The following PDE7B variants were observed in gnomAD, a reference collection of about 807,000 sequenced individuals.
PDE7B encodes the protein 3',5'-cyclic-AMP phosphodiesterase 7B.
Under a neutral mutation model 56.2 loss-of-function variants are expected in PDE7B, and 29 were observed. The observed-to-expected ratio is 0.52, with a 90% CI of 0.38 to 0.70. The LOEUF (loss-of-function observed/expected upper bound fraction) is 0.70, where lower values mean the gene tolerates loss of function less well. Among genes scored for constraint, PDE7B ranks in the 30% least tolerant of loss-of-function variants. The probability of loss-of-function intolerance (pLI) is 0.00; values close to 1 mark genes in which losing one functional copy is unlikely to be tolerated. For missense variants in PDE7B, 490 were observed against 565.0 expected (o/e 0.87, Z 1.35); for synonymous variants, 197 against 196.9 (o/e 1.00, Z 0.00).
chr6:136,030,057 C>T (rs1487480380), intron 2 of PDE7B, among the ~76,000 whole-genome samples: 1 of 152,202 alleles, frequency 6.6e-6, no homozygotes, highest in Non-Finnish European at 1.5e-5. Flanking sequence ...TATCTTCCAA[C>T]TTTCTCATTA....
chr6:136,054,013 C>A (rs1562481155), intron 2 of PDE7B, among the ~76,000 whole-genome samples: 1 of 152,072 alleles, frequency 6.6e-6, no homozygotes, highest in East Asian at 1.9e-4. Flanking sequence ...GTTGCCTGTT[C>A]ACTCTGATGG....
At chr6:135,911,602 C>A (rs1227237077) in intron 1 of PDE7B, among the ~76,000 whole-genome samples, 1 of 152,166 alleles carries the variant, frequency 6.6e-6, no homozygotes, top group East Asian at 1.9e-4. Flanking sequence ...TATGATTTTT[C>A]ACCATGCTAT....
intron 3 of PDE7B, among the ~76,000 whole-genome samples, chr6:136,129,600 A>G (rs1435829204): frequency 6.6e-6 from 1 of 152,230 alleles, no homozygotes; most frequent in African/African-American, 2.4e-5. Flanking sequence ...CAGAAGCTGT[A>G]ACTTCCTCAT....
intron 2 of PDE7B, among the ~76,000 whole-genome samples, chr6:136,024,072 T>TA (rs953101289): frequency 1.7e-4 from 25 of 151,488 alleles, no homozygotes; most frequent in East Asian, 9.7e-4. Flanking sequence ...GGATGACATT[T>TA]AAAAAAAAAC....
chr6:135,861,905 T>G (rs1341776836), intron 1 of PDE7B, among the ~76,000 whole-genome samples: 1 of 151,880 alleles, frequency 6.6e-6, no homozygotes, highest in Non-Finnish European at 1.5e-5. Context: ...CTCTTCAATT[T>G]CTATTTTTAA....
At chr6:136,097,621 C>T (rs1042600673) in intron 2 of PDE7B, among the ~76,000 whole-genome samples, 5 of 152,154 alleles carry the variant, frequency 3.3e-5, no homozygotes, top group African/African-American at 1.2e-4. Flanking sequence ...AACACATTAT[C>T]CTTCTATTAA....
chr6:136,147,086 G>A (rs943670084), intron 3 of PDE7B, among the ~76,000 whole-genome samples: 1 of 151,910 alleles, frequency 6.6e-6, no homozygotes, highest in African/African-American at 2.4e-5. Flanking sequence ...AGGTTGAAGT[G>A]AGCCAAGATT....
At chr6:136,057,812 C>T (rs1205161881) in intron 2 of PDE7B, among the ~76,000 whole-genome samples, 5 of 152,156 alleles carry the variant, frequency 3.3e-5, no homozygotes, top group Non-Finnish European at 7.4e-5. Flanking sequence ...TCTCAGCTCA[C>T]GGCGACCTCC....
chr6:135,993,661 A>G (rs1775512066), intron 2 of PDE7B, among the ~76,000 whole-genome samples: 1 of 152,216 alleles, frequency 6.6e-6, no homozygotes, highest in African/African-American at 2.4e-5. Flanking sequence ...CTACTCAGGA[A>G]TTCCTGTGGG....
At chr6:135,963,922 G>A (rs1445158743) in intron 2 of PDE7B, among the ~76,000 whole-genome samples, 1 of 152,118 alleles carries the variant, frequency 6.6e-6, no homozygotes, top group Non-Finnish European at 1.5e-5. Context: ...GGTCCAGTGA[G>A]CTCTAAAGAG....
chr6:136,157,836 A>C (rs1054056229), intron 8 of PDE7B, among the ~76,000 whole-genome samples: 2 of 152,236 alleles, frequency 1.3e-5, no homozygotes, highest in Non-Finnish European at 2.9e-5. Context: ...TTTTGGGATT[A>C]AATTCCACAA....
At chr6:135,945,769 G>A (rs1454136552) in intron 1 of PDE7B, among the ~76,000 whole-genome samples, 1 of 152,126 alleles carries the variant, frequency 6.6e-6, no homozygotes, top group East Asian at 1.9e-4. Context: ...TAAGGGCAAA[G>A]GAAATATGTA....
intron 2 of PDE7B, among the ~76,000 whole-genome samples, chr6:135,983,771 G>T (rs1388369542): frequency 6.6e-6 from 1 of 152,128 alleles, no homozygotes; most frequent in African/African-American, 2.4e-5. Context: ...AAAATGTATT[G>T]ATCTTCTATA....
At chr6:135,980,188 G>A (rs1339421473) in intron 2 of PDE7B, among the ~76,000 whole-genome samples, 1 of 152,166 alleles carries the variant, frequency 6.6e-6, no homozygotes, top group Non-Finnish European at 1.5e-5. Flanking sequence ...CAAGCAATGA[G>A]GAAAGGATTC....
At chr6:135,980,386 A>G (rs1293691424) in intron 2 of PDE7B, among the ~76,000 whole-genome samples, 7 of 152,164 alleles carry the variant, frequency 4.6e-5, no homozygotes, top group Non-Finnish European at 1.0e-4. Flanking sequence ...CATGGGCAAG[A>G]ACTTCATGTC....
At chr6:136,174,438 C>T (rs1192582021) in intron 9 of PDE7B, among the ~76,000 whole-genome samples, 1 of 152,066 alleles carries the variant, frequency 6.6e-6, no homozygotes, top group Non-Finnish European at 1.5e-5. Flanking sequence ...AGGGGAGACA[C>T]TCATTTTCTG....
At chr6:136,055,740 G>T (rs1290230719) in intron 2 of PDE7B, among the ~76,000 whole-genome samples, 1 of 152,192 alleles carries the variant, frequency 6.6e-6, no homozygotes, top group East Asian at 1.9e-4. Context: ...ACCTAGATCT[G>T]CAGTCCAGAC....
chr6:136,088,992 C>CCT (rs1369019943), intron 2 of PDE7B, among the ~76,000 whole-genome samples: 2 of 149,598 alleles, frequency 1.3e-5, no homozygotes, highest in Non-Finnish European at 3.0e-5. Context: ...GCCTTTCCCC[C>CCT]GCCAAAAAAA....
intron 1 of PDE7B, among the ~76,000 whole-genome samples, chr6:135,916,581 TG>T (rs796529718): frequency 9.2e-5 from 14 of 151,646 alleles, no homozygotes; most frequent in African/African-American, 3.1e-4. Flanking sequence ...TTAGTAGAGA[TG>T]GGGTTTCACC....
Sources: allele counts gnomAD v4.1 joint callset (sites outside exome capture counted in the v4.1 genomes callset), GRCh38; gene constraint gnomAD v4.1.1; transcripts MANE v1.5; gene names NCBI Gene and HGNC (gene_info 2026-07-23, HGNC 2026-07-21).